CLMP: variants seen among roughly 807,000 people sequenced by gnomAD.
CLMP encodes the protein CXADR-like membrane protein.
CLMP carries 27 observed loss-of-function variants against 45.2 expected under a neutral mutation model. The ratio of observed to expected loss-of-function variants is 0.60; its 90% CI spans 0.44 to 0.82. CLMP has a LOEUF of 0.82. Ranked by LOEUF, CLMP falls within the 40% of genes least tolerant of loss-of-function variation. The pLI is 0.00. For missense variants in CLMP, 403 were observed against 448.4 expected, an observed-to-expected ratio of 0.90 and a Z score of 0.91; for synonymous variants, 167 against 171.4, an observed-to-expected ratio of 0.97 and a Z score of 0.20.
chr11:123,187,250 C>T (rs550788436), intron 1 of CLMP, among the ~76,000 whole-genome samples: 61 of 152,324 alleles, frequency 4.0e-4, no homozygotes, highest in African/African-American at 1.4e-3. Context: ...CCAATTCTTA[C>T]AGCGGTTGCT....
At chr11:123,082,048 G>T (rs530960771) in intron 5 of CLMP, among the ~76,000 whole-genome samples, 2 of 152,230 alleles carry the variant, frequency 1.3e-5, no homozygotes, top group Middle Eastern at 6.8e-3. Flanking sequence ...ATCTGTACTT[G>T]AAGCAAATCA....
intron 1 of CLMP, among the ~76,000 whole-genome samples, chr11:123,112,495 G>A (rs1227592338): frequency 4.6e-5 from 7 of 151,590 alleles, no homozygotes; most frequent in East Asian, 2.0e-4. Flanking sequence ...CCGCTACCAC[G>A]CTTGGCTAAT....
intron 1 of CLMP, among the ~76,000 whole-genome samples, chr11:123,112,290 G>T (rs1342897668): frequency 1.3e-5 from 2 of 151,916 alleles, no homozygotes; most frequent in Non-Finnish European, 2.9e-5. Flanking sequence ...AAGGTCATTT[G>T]GTCACTATCT....
At chr11:123,187,803 A>G (rs1249355370) in intron 1 of CLMP, among the ~76,000 whole-genome samples, 2 of 152,188 alleles carry the variant, frequency 1.3e-5, no homozygotes, top group African/African-American at 2.4e-5. Context: ...GGGAGTCTCA[A>G]TCTCTCCAGG....
At chr11:123,170,203 A>G (rs1241550181) in intron 1 of CLMP, among the ~76,000 whole-genome samples, 1 of 152,156 alleles carries the variant, frequency 6.6e-6, no homozygotes, top group Non-Finnish European at 1.5e-5. Context: ...AAATATTTTC[A>G]TTTCCTTCCT....
intron 1 of CLMP, among the ~76,000 whole-genome samples, chr11:123,113,475 A>G (rs1213500819): frequency 6.6e-6 from 1 of 152,224 alleles, no homozygotes; most frequent in Non-Finnish European, 1.5e-5. Flanking sequence ...AGAAATGTTT[A>G]TCCCAGACCT....
At chr11:123,129,617 T>G (rs1199404976) in intron 1 of CLMP, among the ~76,000 whole-genome samples, 6 of 141,408 alleles carry the variant, frequency 4.2e-5, no homozygotes, top group Admixed American at 7.5e-5. Flanking sequence ...ATATTATATT[T>G]ATATAATATA....
chr11:123,192,160 G>A (rs1861916734), intron 1 of CLMP, among the ~76,000 whole-genome samples: 1 of 152,198 alleles, frequency 6.6e-6, no homozygotes, highest in South Asian at 2.1e-4. Flanking sequence ...TTGGGCGCAT[G>A]AAGTAATTCA....
chr11:123,191,217 TA>T (rs1861902964), intron 1 of CLMP, among the ~76,000 whole-genome samples: 1 of 152,190 alleles, frequency 6.6e-6, no homozygotes, highest in Admixed American at 6.5e-5. Flanking sequence ...ACTCTACCTT[TA>T]AAAAATATCC....
chr11:123,084,408 A>G (rs1443343338), intron 3 of CLMP, 104 bp downstream of exon 3: 4 of 909,714 alleles, frequency 4.4e-6, no homozygotes, highest in East Asian at 2.5e-5. Flanking sequence ...TGTGTAATCC[A>G]AAGTACTGAA....
chr11:123,189,342 G>T (rs1861875884), intron 1 of CLMP, among the ~76,000 whole-genome samples: 1 of 152,182 alleles, frequency 6.6e-6, no homozygotes, highest in South Asian at 2.1e-4. Context: ...TCCTGGGTTG[G>T]TGTCCTAGCT....
chr11:123,129,430 T>TATATATCATATGATATATTATATAAA (rs1565391364), intron 1 of CLMP, among the ~76,000 whole-genome samples: 10 of 96,552 alleles, frequency 1.0e-4, no homozygotes, highest in South Asian at 3.4e-4. Context: ...TTATATAAAA[T>TATATATCATATGATATATTATATAAA]ATATATCATA....
intron 1 of CLMP, among the ~76,000 whole-genome samples, chr11:123,181,793 A>G (rs1861773750): frequency 6.6e-6 from 1 of 152,250 alleles, no homozygotes; most frequent in African/African-American, 2.4e-5. Context: ...CATTCTGAGA[A>G]AAGTGACAGT....
At chr11:123,191,263 T>G (rs1011807526) in intron 1 of CLMP, among the ~76,000 whole-genome samples, 1 of 152,198 alleles carries the variant, frequency 6.6e-6, no homozygotes, top group African/African-American at 2.4e-5. Flanking sequence ...ATAATACTCA[T>G]GTGTACCCTG....
At chr11:123,106,422 TGTGCGCGCGCGCGCGCGCAC>T (rs1260168552) in intron 1 of CLMP, among the ~76,000 whole-genome samples, 1 of 86,274 alleles carries the variant, frequency 1.2e-5, no homozygotes, top group Non-Finnish European at 2.4e-5. Flanking sequence ...TGTGTGTGTG[TGTGCGCGCGCGCGCGCGCAC>T]GTGCCTGCCT....
At chr11:123,104,969 C>T (rs1235853482) in intron 1 of CLMP, among the ~76,000 whole-genome samples, 1 of 152,142 alleles carries the variant, frequency 6.6e-6, no homozygotes, top group African/African-American at 2.4e-5. Flanking sequence ...CAGCATTTAC[C>T]TATGGGAAGA....
intron 1 of CLMP, among the ~76,000 whole-genome samples, chr11:123,161,222 T>C (rs1477078270): frequency 6.6e-6 from 1 of 152,174 alleles, no homozygotes; most frequent in African/African-American, 2.4e-5. Context: ...TGGTTTCTAA[T>C]CACAAGTTAC....
At chr11:123,156,221 G>A (rs1861412875) in intron 1 of CLMP, among the ~76,000 whole-genome samples, 1 of 152,210 alleles carries the variant, frequency 6.6e-6, no homozygotes, top group South Asian at 2.1e-4. Flanking sequence ...CCATCCACAA[G>A]CCAGGAAGAT....
At chr11:123,191,371 G>A (rs1430977917) in intron 1 of CLMP, 1 of 152,170 alleles carries the variant, frequency 6.6e-6, no homozygotes, top group Non-Finnish European at 1.5e-5. Flanking sequence ...GGGAAGATAA[G>A]GGTAGGACAT....
Sources: gnomAD v4.1 joint callset for allele counts (sites outside exome capture counted in the v4.1 genomes callset) on GRCh38, gnomAD v4.1.1 for gene constraint, MANE v1.5 for transcripts, NCBI Gene and HGNC (gene_info 2026-07-23, HGNC 2026-07-21) for gene names.